ANTXR1: variants seen among roughly 807,000 people sequenced by gnomAD.
The protein encoded by ANTXR1 is ANTXR cell adhesion molecule 1.
ANTXR1 carries 19 observed loss-of-function variants against 78.1 expected under a neutral mutation model. The observed-to-expected ratio is 0.24, with a 90% confidence interval of 0.17 to 0.36. The LOEUF is 0.36. ANTXR1 is among the 10% of genes least tolerant of loss of function. ANTXR1 has a pLI of 1.00. For synonymous variants in ANTXR1, 273 were observed against 260.5 expected, an observed-to-expected ratio of 1.05 and a Z score of -0.46; for missense variants, 518 against 718.6, an observed-to-expected ratio of 0.72 and a Z score of 3.19.
intron 3 of ANTXR1, among the ~76,000 whole-genome samples, chr2:69,060,603 A>C (rs1427999695): frequency 6.6e-6 from 1 of 152,234 alleles, no homozygotes; most frequent in East Asian, 1.9e-4. Context: ...TAAAACACAA[A>C]TCTACTCTCA....
chr2:69,209,111 C>T (rs1259347466), intron 17 of ANTXR1, among the ~76,000 whole-genome samples: 1 of 152,182 alleles, frequency 6.6e-6, no homozygotes, highest in Non-Finnish European at 1.5e-5. Context: ...TGCTTCTTCC[C>T]TGCAACATCA....
chr2:69,076,925 C>T (rs1001127917), intron 7 of ANTXR1, among the ~76,000 whole-genome samples: 2 of 152,190 alleles, frequency 1.3e-5, no homozygotes, highest in African/African-American at 4.8e-5. Flanking sequence ...AAACCAACTG[C>T]AAGGGCCCTT....
chr2:69,233,765 C>G (rs1675683793), intron 17 of ANTXR1, among the ~76,000 whole-genome samples: 1 of 151,668 alleles, frequency 6.6e-6, no homozygotes, highest in Non-Finnish European at 1.5e-5. Flanking sequence ...GACATCACTT[C>G]TAATCAATGC....
intron 17 of ANTXR1, among the ~76,000 whole-genome samples, chr2:69,244,677 T>C (rs1037948054): frequency 6.6e-6 from 1 of 152,238 alleles, no homozygotes; most frequent in Non-Finnish European, 1.5e-5. Flanking sequence ...GTGTTAACCT[T>C]CTGCCATTTC....
intron 8 of ANTXR1, among the ~76,000 whole-genome samples, chr2:69,088,579 C>A (rs992763294): frequency 7.2e-5 from 11 of 152,098 alleles, no homozygotes; most frequent in Admixed American, 7.2e-4. Flanking sequence ...TCATGGCAAC[C>A]ACTGGCTGAA....
At chr2:69,167,654 T>C (rs76423874) in intron 13 of ANTXR1, among the ~76,000 whole-genome samples, 2,828 of 152,318 alleles carry the variant, frequency 0.019, 69 homozygotes, top group African/African-American at 0.064. Context: ...TTTCGGTGCA[T>C]GGGCTTGAAG....
intron 12 of ANTXR1, among the ~76,000 whole-genome samples, chr2:69,132,810 C>T (rs1364094515): frequency 1.3e-5 from 2 of 152,168 alleles, no homozygotes; most frequent in African/African-American, 2.4e-5. Context: ...TCAGGACCAA[C>T]GTGTTTTAAA....
At chr2:69,057,132 T>C (rs1670093120) in intron 3 of ANTXR1, among the ~76,000 whole-genome samples, 1 of 152,232 alleles carries the variant, frequency 6.6e-6, no homozygotes, top group East Asian at 1.9e-4. Context: ...TTTGTCATAT[T>C]TTATTGTAAT....
At chr2:69,156,971 C>G (rs1017404053) in intron 13 of ANTXR1, among the ~76,000 whole-genome samples, 5 of 152,172 alleles carry the variant, frequency 3.3e-5, no homozygotes, top group African/African-American at 9.7e-5. Flanking sequence ...ACTCTCTTCT[C>G]CTTACCTTCC....
intron 9 of ANTXR1, among the ~76,000 whole-genome samples, chr2:69,095,671 T>C (rs1375799478): frequency 6.6e-6 from 1 of 152,226 alleles, no homozygotes. Context: ...ATGCAACTTG[T>C]ACAACTAAAG....
intron 14 of ANTXR1, among the ~76,000 whole-genome samples, chr2:69,179,889 A>G (rs2104460511): frequency 6.6e-6 from 1 of 152,368 alleles, no homozygotes; most frequent in South Asian, 2.1e-4. Context: ...GTGTGTTATC[A>G]TGAATGCAAT....
intron 1 of ANTXR1, among the ~76,000 whole-genome samples, chr2:69,035,716 C>T (rs539477583): frequency 5.3e-5 from 8 of 152,314 alleles, no homozygotes; most frequent in South Asian, 2.1e-4. Flanking sequence ...ACCCCAGCAG[C>T]GACAGGGCAG....
chr2:69,248,331 G>A lies in ANTXR1; in HGVS notation c.*2846G>A, dbSNP rs1482756006. On this transcript the variant is annotated 3_prime_UTR_variant, in exon 18 of 18. Coordinates refer to ENST00000303714, the MANE Select transcript of ANTXR1 (RefSeq NM_032208.3). Reference sequence around the variant, plus strand: ...AGTTGTAGTAAATTATTATAAAGCCGATGATATTTCATGGCAGGTTATTCT... The same window carrying A: ...AGTTGTAGTAAATTATTATAAAGCCAATGATATTTCATGGCAGGTTATTCT... 1.2e-5 allele frequency: 2 copies of A among 165,838 alleles called. No homozygotes were observed. Among genetic ancestry groups the A allele is most frequent in the Non-Finnish European group, 2.9e-5 (2 of 68,120 alleles). The allele number at this position is 165,838 out of a possible 1,614,324, so 10.3% of individuals were successfully genotyped here.
chr2:69,240,337 T>C (rs1202857998), intron 17 of ANTXR1, among the ~76,000 whole-genome samples: 2 of 152,220 alleles, frequency 1.3e-5, no homozygotes, highest in African/African-American at 2.4e-5. Context: ...ATGGGAAACA[T>C]TTAGAGTAGG....
intron 3 of ANTXR1, among the ~76,000 whole-genome samples, chr2:69,047,590 C>G (rs1669807718): frequency 6.6e-6 from 1 of 151,894 alleles, no homozygotes; most frequent in Non-Finnish European, 1.5e-5. Flanking sequence ...CTTCTTGAAT[C>G]TATAAACTTG....
At chr2:69,092,302 A>G (rs1446052723) in intron 9 of ANTXR1, among the ~76,000 whole-genome samples, 2 of 152,228 alleles carry the variant, frequency 1.3e-5, no homozygotes, top group African/African-American at 4.8e-5. Context: ...TTTCTGGCCT[A>G]TAGTTTAGAA....
chr2:69,223,196 A>C (rs1206590140), intron 17 of ANTXR1, among the ~76,000 whole-genome samples: 1 of 152,220 alleles, frequency 6.6e-6, no homozygotes, highest in Non-Finnish European at 1.5e-5. Flanking sequence ...TCAAGTGTGC[A>C]TGGATAGGGA....
intron 10 of ANTXR1, among the ~76,000 whole-genome samples, chr2:69,122,068 A>G (rs776878886): frequency 4.3e-4 from 66 of 152,240 alleles, no homozygotes; most frequent in Non-Finnish European, 7.9e-4. Flanking sequence ...AGTTCTTTCT[A>G]TAACTTACAG....
At chr2:69,236,613 C>T (rs1675770572) in intron 17 of ANTXR1, among the ~76,000 whole-genome samples, 1 of 152,164 alleles carries the variant, frequency 6.6e-6, no homozygotes, top group South Asian at 2.1e-4. Flanking sequence ...TGTGCATAAA[C>T]TTTGACCCAG....
Sources: allele counts gnomAD v4.1 joint callset (sites outside exome capture counted in the v4.1 genomes callset), GRCh38; gene constraint gnomAD v4.1.1; transcripts MANE v1.5; gene names NCBI Gene and HGNC (gene_info 2026-07-23, HGNC 2026-07-21).